The following DLG2 variants were observed in gnomAD, a reference collection of about 807,000 sequenced individuals.
DLG2 encodes the protein disks large homolog 2.
In DLG2, 45 loss-of-function variants were observed where a neutral mutation model predicts 132.5. That is an observed-to-expected ratio of 0.34 (90% CI 0.27 to 0.44). The LOEUF (loss-of-function observed/expected upper bound fraction) is 0.44. DLG2 is among the 20% of genes least tolerant of loss of function. The pLI, the probability that DLG2 is intolerant of heterozygous loss-of-function variation, is 1.00. For missense variants in DLG2, 1,045 were observed against 1,196.9 expected (o/e 0.87, Z 1.87); for synonymous variants, 424 against 419.6 (o/e 1.01, Z -0.13).
At chr11:84,291,818 G>C (rs1217594880) in intron 7 of DLG2, among the ~76,000 whole-genome samples, 1 of 152,224 alleles carries the variant, frequency 6.6e-6, no homozygotes, top group East Asian at 1.9e-4. Flanking sequence ...GTGTAGGTTA[G>C]ATAAGTTAAT....
intron 6 of DLG2, among the ~76,000 whole-genome samples, chr11:84,823,443 T>G (rs1477803357): frequency 2.0e-5 from 3 of 151,796 alleles, no homozygotes; most frequent in Admixed American, 6.6e-5. Context: ...GCCTCTAACC[T>G]TTTTACTTGC....
At position 84,484,965 on chromosome 11, in the gene DLG2, T is replaced by C. The variant is rs570239018; in HGVS notation, c.519+49605A>G. ...CATCTACTATACACCAGACCACAAA[T>C]GCTTTTATACAAATACAACTTCATA... On this transcript the variant is annotated intron_variant, in intron 7 of 27. Coordinates refer to ENST00000376104, the MANE Select transcript of DLG2 (RefSeq NM_001142699.3). Among the ~76,000 whole-genome samples the C allele has an allele frequency of 3.0e-4, 46 of 152,290 alleles. 1 individual carries two copies. The highest frequency in any genetic ancestry group is 2.7e-3 in the Admixed American group (41 of 15,278).
intron 16 of DLG2, among the ~76,000 whole-genome samples, chr11:83,872,877 C>T (rs1166259421): frequency 2.0e-5 from 3 of 152,060 alleles, no homozygotes; most frequent in Non-Finnish European, 4.4e-5. Context: ...AAAATTAGTC[C>T]CCACACCCTT....
intron 18 of DLG2, among the ~76,000 whole-genome samples, chr11:83,740,561 G>C (rs986299239): frequency 6.6e-6 from 1 of 152,122 alleles, no homozygotes; most frequent in African/African-American, 2.4e-5. Flanking sequence ...CATCTGAGTG[G>C]TGATCACGTA....
chr11:83,833,533 T>C (rs2055197630), intron 17 of DLG2, 81 bp downstream of exon 17: 2 of 1,408,070 alleles, frequency 1.4e-6, no homozygotes, highest in Non-Finnish European at 1.9e-6. Flanking sequence ...AAGGTGCTTT[T>C]GGTATCATAA....
intron 3 of DLG2, among the ~76,000 whole-genome samples, chr11:85,473,360 G>A (rs1302184074): frequency 6.6e-6 from 1 of 152,176 alleles, no homozygotes; most frequent in Non-Finnish European, 1.5e-5. Context: ...ATCAGTTCTG[G>A]ACTTTTGCCC....
rs1232988076 is a variant in DLG2, at chr11:83,883,169, A to T, written c.1497-8681T>A. ...TCATCCACACTTTTAATTTGAGAAC[A>T]GTTAACATATCGTGTTCCTTCATCT... On this transcript the variant is annotated intron_variant, in intron 15 of 27. Transcript: ENST00000376104. Among the ~76,000 whole-genome samples, 5 of 152,192 alleles carry T rather than the reference A, an allele frequency of 3.3e-5. No homozygotes were observed. In the South Asian group the frequency reaches 8.3e-4, roughly 25 times the overall value.
chr11:83,790,383 C>T lies in DLG2; in HGVS notation c.1723-3591G>A. The T allele has an allele frequency of 4.3e-6, 4 of 923,614 alleles. 1 individual carries two copies. The highest frequency in any genetic ancestry group is 3.7e-5 in the Admixed American group (2 of 53,576). The allele number at this position is 923,614 out of a possible 1,614,324, so 57.2% of individuals were successfully genotyped here. A position where few individuals can be genotyped will look rare whatever the true frequency, so the allele number is the denominator to read the frequency against. On this transcript the variant is annotated intron_variant, in intron 17 of 27. Coordinates refer to ENST00000376104, the MANE Select transcript of DLG2 (RefSeq NM_001142699.3). ...AGGAAAGAACCATCTGGCAGGACTG[C>T]TAGCTTCCCTTCTGCCTCCCAACAT...
chr11:84,697,939 C>A (rs2058791727), intron 6 of DLG2, among the ~76,000 whole-genome samples: 1 of 151,126 alleles, frequency 6.6e-6, no homozygotes, highest in African/African-American at 2.4e-5. Context: ...GTCATGACAC[C>A]TTTTGAAAAA....
intron 6 of DLG2, among the ~76,000 whole-genome samples, chr11:84,550,920 C>T (rs1289805489): frequency 6.6e-6 from 1 of 152,150 alleles, no homozygotes; most frequent in Non-Finnish European, 1.5e-5. Flanking sequence ...AACATACTTC[C>T]TGTACCAAGA....
At chr11:84,164,830 T>C (rs1023011854) in intron 8 of DLG2, among the ~76,000 whole-genome samples, 3 of 152,226 alleles carry the variant, frequency 2.0e-5, no homozygotes, top group Non-Finnish European at 4.4e-5. Context: ...CGTGAGCTAA[T>C]TGGTGAATCA....
At chr11:84,814,752 G>T (rs2076928559) in intron 6 of DLG2, among the ~76,000 whole-genome samples, 1 of 152,036 alleles carries the variant, frequency 6.6e-6, no homozygotes, top group African/African-American at 2.4e-5. Context: ...GGGTCACCCT[G>T]AGTTAAATAT....
At chr11:84,107,549 T>TAC (rs1341070128) in intron 9 of DLG2, among the ~76,000 whole-genome samples, 1 of 152,036 alleles carries the variant, frequency 6.6e-6, no homozygotes, top group East Asian at 1.9e-4. Flanking sequence ...CACATGCACA[T>TAC]ACACACACAT....
chr11:84,633,368 CT>C (rs1433943581), intron 6 of DLG2, among the ~76,000 whole-genome samples: 1 of 152,048 alleles, frequency 6.6e-6, no homozygotes, highest in Non-Finnish European at 1.5e-5. Flanking sequence ...TTTTTCTAAC[CT>C]GTTTCCTCTT....
At chr11:85,253,095 C>A (rs2076479185) in intron 4 of DLG2, among the ~76,000 whole-genome samples, 1 of 152,122 alleles carries the variant, frequency 6.6e-6, no homozygotes, top group Non-Finnish European at 1.5e-5. Flanking sequence ...TATTTAGTTT[C>A]TCTTGTTCTG....
chr11:84,713,877 G>A (rs78430789), intron 6 of DLG2, among the ~76,000 whole-genome samples: 5 of 151,826 alleles, frequency 3.3e-5, no homozygotes, highest in African/African-American at 1.2e-4. Flanking sequence ...AATTTAAGGG[G>A]AAAAAAGCCA....
intron 4 of DLG2, among the ~76,000 whole-genome samples, chr11:85,199,876 T>C (rs141059919): frequency 6.6e-6 from 1 of 151,934 alleles, no homozygotes; most frequent in East Asian, 1.9e-4. Context: ...AAACAAAATA[T>C]AGAACTTTGG....
intron 6 of DLG2, among the ~76,000 whole-genome samples, chr11:84,722,002 C>T (rs1443909967): frequency 6.6e-6 from 1 of 152,112 alleles, no homozygotes; most frequent in Non-Finnish European, 1.5e-5. Context: ...GGGGAAGAAA[C>T]TGAGCCCCTT....
chr11:84,448,812 T>C (rs2099043185), intron 7 of DLG2, among the ~76,000 whole-genome samples: 1 of 152,028 alleles, frequency 6.6e-6, no homozygotes, highest in African/African-American at 2.4e-5. Context: ...CATACCTTAT[T>C]TATTTTCGTA....
Sources: gnomAD v4.1 joint callset for allele counts (sites outside exome capture counted in the v4.1 genomes callset) on GRCh38, gnomAD v4.1.1 for gene constraint, MANE v1.5 for transcripts, NCBI Gene and HGNC (gene_info 2026-07-23, HGNC 2026-07-21) for gene names.